The following FOXN3 variants were observed in gnomAD, a reference collection of about 807,000 sequenced individuals.
FOXN3 encodes the protein forkhead box N3.
A neutral mutation model predicts 38.4 loss-of-function variants in FOXN3; 7 were observed. That is an observed-to-expected ratio of 0.18 (90% CI 0.10 to 0.34). The LOEUF (loss-of-function observed/expected upper bound fraction) is 0.34. Ranked by LOEUF, FOXN3 falls within the 10% of genes least tolerant of loss-of-function variation. FOXN3 has a pLI of 1.00. For missense variants in FOXN3, 456 were observed against 613.4 expected (o/e 0.74, Z 2.71); for synonymous variants, 230 against 242.2 (o/e 0.95, Z 0.47).
chr14:89,556,439 A>G (rs1440910018), intron 1 of FOXN3, among the ~76,000 whole-genome samples: 1 of 151,618 alleles, frequency 6.6e-6, no homozygotes, highest in Admixed American at 6.6e-5. Flanking sequence ...CAGACTCACT[A>G]TGTGCCTCAT....
intron 2 of FOXN3, among the ~76,000 whole-genome samples, chr14:89,379,036 T>G (rs535945034): frequency 6.6e-6 from 1 of 152,294 alleles, no homozygotes; most frequent in East Asian, 1.9e-4. Context: ...GCCCAGGTTA[T>G]GAGAATAGAG....
intron 1 of FOXN3, among the ~76,000 whole-genome samples, chr14:89,601,913 T>C (rs1005756908): frequency 6.6e-6 from 1 of 152,048 alleles, no homozygotes; most frequent in African/African-American, 2.4e-5. Flanking sequence ...TTCACAACAA[T>C]CCAGATGGAG....
At chr14:89,495,938 ACAATGCAGTTGGCTGCCTGTAATCC>A (rs751700821) in intron 1 of FOXN3, among the ~76,000 whole-genome samples, 1 of 152,078 alleles carries the variant, frequency 6.6e-6, no homozygotes, top group Non-Finnish European at 1.5e-5. Context: ...AAGCATGCTC[ACAATGCAGTTGGCTGCCTGTAATCC>A]CAGCACTTTA....
chr14:89,412,106 A>G lies in FOXN3; in HGVS notation c.371T>C (p.Phe124Ser). The change falls in exon 2 of 6, where the codon TTT (phenylalanine) becomes TCT (serine). Residue 124 changes from phenylalanine (F) to serine (S), a missense_variant. By Grantham distance (155) the Phe-to-Ser change is radical. Around this residue, in one of 3 missense-constraint regions of FOXN3, gnomAD observed 386 missense variants for 505.2 expected, o/e 0.76. Transcript: ENST00000557258. This position sits in a 1 kb window ranked among gnomAD's most constrained non-coding sequence, Gnocchi z 4.7. ...GGTTGGAGAGTCCTCGATGGCCATA[A>G]ATATGAGGCAGCTGAAGGAGTAGGG... is the stretch of plus-strand genomic sequence containing the variant. ...KPPYSFSCLI[F>S]MAIEDSPTKR... 6.2e-7 allele frequency: 1 copy of G among 1,612,324 alleles called. No homozygotes were observed. Among genetic ancestry groups the G allele is most frequent in the Non-Finnish European group, 8.5e-7 (1 of 1,179,154 alleles).
chr14:89,311,910 C>T (rs925653404), intron 3 of FOXN3, among the ~76,000 whole-genome samples: 2 of 152,156 alleles, frequency 1.3e-5, no homozygotes, highest in Non-Finnish European at 2.9e-5. Context: ...TGGTGCAAAA[C>T]GAGTGTACTA....
At chr14:89,366,886 C>T (rs778773747) in intron 2 of FOXN3, among the ~76,000 whole-genome samples, 19 of 152,236 alleles carry the variant, frequency 1.2e-4, no homozygotes, top group Middle Eastern at 3.4e-3. Context: ...TCTGGTTGTC[C>T]GTAGTTACTC....
chr14:89,326,121 G>C (rs906534064), intron 3 of FOXN3, among the ~76,000 whole-genome samples: 4 of 152,142 alleles, frequency 2.6e-5, no homozygotes, highest in Non-Finnish European at 5.9e-5. Context: ...CAGCTACCAA[G>C]CGCCAGGCAC....
chr14:89,368,166 T>TA (rs1222597605), intron 2 of FOXN3, among the ~76,000 whole-genome samples: 1 of 148,684 alleles, frequency 6.7e-6, no homozygotes, highest in Admixed American at 6.7e-5. Context: ...CCGTCTCTAC[T>TA]AAAAAAATAC....
chr14:89,519,300 C>A (rs1415831716), intron 1 of FOXN3, among the ~76,000 whole-genome samples: 2 of 152,112 alleles, frequency 1.3e-5, no homozygotes, highest in Non-Finnish European at 2.9e-5. Flanking sequence ...AGAGAAAATT[C>A]TTGGAGGAGG....
chr14:89,183,196 C>T (rs188437441), intron 4 of FOXN3, among the ~76,000 whole-genome samples: 47 of 152,220 alleles, frequency 3.1e-4, no homozygotes, highest in African/African-American at 1.1e-3. Context: ...CGGCAGTCTC[C>T]TAGAAATGGT....
chr14:89,292,674 A>C (rs1886913225), intron 3 of FOXN3, among the ~76,000 whole-genome samples: 1 of 152,154 alleles, frequency 6.6e-6, no homozygotes, highest in South Asian at 2.1e-4. Context: ...TTTTGCAAGC[A>C]GCCCTCACCA....
chr14:89,594,007 C>A (rs1288654657), intron 1 of FOXN3, among the ~76,000 whole-genome samples: 1 of 152,180 alleles, frequency 6.6e-6, no homozygotes, highest in African/African-American at 2.4e-5. Context: ...TGAGACTCAT[C>A]CAGGTTGTGT....
At chr14:89,608,444 C>CCCAG (rs1896323627) in intron 1 of FOXN3, among the ~76,000 whole-genome samples, 2 of 151,874 alleles carry the variant, frequency 1.3e-5, no homozygotes, top group Admixed American at 6.6e-5. Flanking sequence ...CCGGCCTATA[C>CCCAG]ATGCTATCTT....
intron 2 of FOXN3, among the ~76,000 whole-genome samples, chr14:89,363,967 T>TAATATATATATATATATATATA (rs1420143034): frequency 6.1e-5 from 6 of 98,586 alleles, no homozygotes; most frequent in African/African-American, 3.2e-4. Context: ...TATATATATA[T>TAATATATATATATATATATATA]ATATATATAT....
intron 3 of FOXN3, among the ~76,000 whole-genome samples, chr14:89,288,906 C>T (rs573517712): frequency 9.9e-5 from 15 of 151,412 alleles, no homozygotes; most frequent in African/African-American, 1.5e-4. Flanking sequence ...AAACATGGGG[C>T]CGGGTGTGGT....
intron 4 of FOXN3, among the ~76,000 whole-genome samples, chr14:89,212,342 A>G (rs1884123116): frequency 6.6e-6 from 1 of 152,208 alleles, no homozygotes; most frequent in African/African-American, 2.4e-5. Flanking sequence ...TTCATCTTCC[A>G]GACTTCCTTG....
chr14:89,424,729 A>G (rs1891987048), intron 1 of FOXN3, among the ~76,000 whole-genome samples: 1 of 150,996 alleles, frequency 6.6e-6, no homozygotes, highest in Non-Finnish European at 1.5e-5. Flanking sequence ...AAAAAAAAAT[A>G]GAAAAATTAG....
At chr14:89,319,551 C>A (rs1887840335) in intron 3 of FOXN3, among the ~76,000 whole-genome samples, 1 of 152,060 alleles carries the variant, frequency 6.6e-6, no homozygotes, top group Admixed American at 6.6e-5. Flanking sequence ...TTCCACCAAC[C>A]ACAGTGTTTC....
intron 1 of FOXN3, among the ~76,000 whole-genome samples, chr14:89,451,738 C>T (rs1162560190): frequency 6.6e-6 from 1 of 152,178 alleles, no homozygotes; most frequent in Non-Finnish European, 1.5e-5. Flanking sequence ...TGTATTCGCT[C>T]ACTATCCATT....
Sources: allele counts gnomAD v4.1 joint callset (sites outside exome capture counted in the v4.1 genomes callset), GRCh38; gene constraint gnomAD v4.1.1; regional missense constraint gnomAD v4.1.1; non-coding constraint Gnocchi (gnomAD v3.1); transcripts MANE v1.5; gene names NCBI Gene and HGNC (gene_info 2026-07-23, HGNC 2026-07-21).